Variants in NFIL3 observed in about 807,000 individuals in gnomAD.
NFIL3 encodes the protein nuclear factor, interleukin 3 regulated, also known as nuclear factor interleukin-3-regulated protein.
Under a neutral mutation model 10.0 loss-of-function variants are expected in NFIL3, and 5 were observed. That is an observed-to-expected ratio of 0.50 (90% CI 0.26 to 1.06). The LOEUF (loss-of-function observed/expected upper bound fraction) is 1.06. NFIL3 is among the 50% of genes least tolerant of loss of function. The probability of loss-of-function intolerance (pLI) is 0.13; values close to 1 mark genes in which losing one functional copy is unlikely to be tolerated. For missense variants in NFIL3, 436 were observed against 547.6 expected (o/e 0.80, Z 2.03); for synonymous variants, 202 against 206.5 (o/e 0.98, Z 0.19).
the NFIL3 span, among the ~76,000 whole-genome samples, chr9:91,444,433 T>A: frequency 6.6e-6 from 1 of 152,224 alleles, no homozygotes; most frequent in African/African-American, 2.4e-5. Flanking sequence ...TGGTAAATTT[T>A]CATTTTCTTG....
At chr9:91,460,411 A>G in the NFIL3 span, among the ~76,000 whole-genome samples, 2 of 151,304 alleles carry the variant, frequency 1.3e-5, no homozygotes, top group Non-Finnish European at 2.9e-5. Flanking sequence ...AGTAGCTGGG[A>G]CTATAGGTGT....
At chr9:91,439,365 T>G in the NFIL3 span, among the ~76,000 whole-genome samples, 3 of 151,976 alleles carry the variant, frequency 2.0e-5, no homozygotes, top group African/African-American at 7.3e-5. Context: ...TTTTGAATCC[T>G]GCAACTTTAC....
rs1209313730 is a variant in NFIL3, at chr9:91,409,717, C to T, written c.1018G>A (p.Ala340Thr). The change falls in exon 2 of 2, where the codon GCC (alanine) becomes ACC (threonine). Residue 340 changes from alanine to threonine, a missense_variant. Ala to Thr is a moderately conservative substitution (Grantham distance 58). Around this residue, in one of 3 missense-constraint regions of NFIL3, gnomAD observed 338 missense variants for 399.9 expected, o/e 0.85. Coordinates refer to ENST00000297689, the MANE Select transcript of NFIL3 (RefSeq NM_005384.3). Reference sequence around the variant, plus strand: ...GTGGCCTCAAATTCATTATCAAAGGCTTCTACTTTGATCTGCATGGCTTTG... The same window carrying T: ...GTGGCCTCAAATTCATTATCAAAGGTTTCTACTTTGATCTGCATGGCTTTG... ...KAKAMQIKVE[A>T]FDNEFEATQK... 3 of 1,614,038 alleles carry T rather than the reference C, an allele frequency of 1.9e-6. No homozygotes were observed. The highest frequency in any genetic ancestry group is 1.3e-5 in the African/African-American group (1 of 74,920).
At chr9:91,471,073 C>T in the NFIL3 span, among the ~76,000 whole-genome samples, 1 of 152,060 alleles carries the variant, frequency 6.6e-6, no homozygotes, top group Non-Finnish European at 1.5e-5. Context: ...CCTGGATATC[C>T]TTGTTAGCCT....
chr9:91,410,147 T>A lies in NFIL3; in HGVS notation c.588A>T (p.Val196=). ...GCACAGAGCTCTCCTGCGTGTGTTC[T>A]ACTGAGGACACTTCTGAAACATCGG... ...SLSDVSEVSS[V]EHTQESSVQG... The change falls in exon 2 of 2, where the codon GTA becomes GTT. Residue 196 remains valine, a synonymous_variant. Coordinates refer to ENST00000297689, the MANE Select transcript of NFIL3 (RefSeq NM_005384.3). The surrounding 1 kb of genome is among the most constrained non-coding windows in gnomAD (Gnocchi z 5.7). 1 of 1,614,222 alleles carries A rather than the reference T, an allele frequency of 6.2e-7. No individual in the cohort carries two copies. Among genetic ancestry groups the A allele is most frequent in the Non-Finnish European group, 8.5e-7 (1 of 1,180,034 alleles).
chr9:91,444,093 T>C, the NFIL3 span, among the ~76,000 whole-genome samples: 16 of 152,216 alleles, frequency 1.1e-4, no homozygotes, highest in African/African-American at 3.6e-4. Context: ...GTTACATAAG[T>C]CCAACAGGCT....
At chr9:91,453,855 T>C in the NFIL3 span, among the ~76,000 whole-genome samples, 2 of 152,238 alleles carry the variant, frequency 1.3e-5, no homozygotes, top group South Asian at 2.1e-4. Flanking sequence ...TTTCTGGTTT[T>C]GTGTGTCATG....
chr9:91,413,777 A>G (rs914464641), intron 1 of NFIL3, among the ~76,000 whole-genome samples: 2 of 152,110 alleles, frequency 1.3e-5, no homozygotes, highest in Non-Finnish European at 2.9e-5. Context: ...AATCTCCACT[A>G]TACTCTTGGC....
the NFIL3 span, among the ~76,000 whole-genome samples, chr9:91,450,075 C>A: frequency 6.6e-6 from 1 of 151,930 alleles, no homozygotes; most frequent in Non-Finnish European, 1.5e-5. Flanking sequence ...TGGCTTTAGT[C>A]ATTTGTATCT....
chr9:91,447,755 GC>G, the NFIL3 span, among the ~76,000 whole-genome samples: 2 of 152,074 alleles, frequency 1.3e-5, no homozygotes, highest in African/African-American at 4.8e-5. Context: ...TATATGACTT[GC>G]AAATATTCTT....
At chr9:91,450,437 AT>A in the NFIL3 span, among the ~76,000 whole-genome samples, 1 of 152,138 alleles carries the variant, frequency 6.6e-6, no homozygotes, top group Non-Finnish European at 1.5e-5. Context: ...ATCATCTAAT[AT>A]CTTTTGTGAT....
Position 91,410,131 on chromosome 9 carries a change from TC to T in NFIL3, c.603del (p.Ser202AlafsTer24). 1 of 1,614,108 alleles carries T rather than the reference TC, an allele frequency of 6.2e-7. No homozygotes were observed. The highest frequency in any genetic ancestry group is 8.5e-7 in the Non-Finnish European group (1 of 1,180,028). On this transcript the variant is annotated frameshift_variant, in exon 2 of 2. Transcript: ENST00000297689. LOFTEE classifies it low-confidence loss of function (END_TRUNC). The surrounding 1 kb of genome is among the most constrained non-coding windows in gnomAD (Gnocchi z 5.7). The stretch of plus-strand genomic sequence containing the variant: ...CTTCTGCAGCTTCCCTGCACAGAGC[TC>T]TCCTGCGTGTGTTCTACTGAGGACA... ...SEVSSVEHTQ[E>X]SSVQGSCRSP...
the NFIL3 span, among the ~76,000 whole-genome samples, chr9:91,470,155 T>C: frequency 6.6e-6 from 1 of 152,130 alleles, no homozygotes; most frequent in Admixed American, 6.5e-5. Flanking sequence ...TGAATCCTTC[T>C]GGTCCTGGAC....
At chr9:91,434,082 T>A in the NFIL3 span, among the ~76,000 whole-genome samples, 1 of 152,174 alleles carries the variant, frequency 6.6e-6, no homozygotes, top group African/African-American at 2.4e-5. Context: ...ATAATCTCTC[T>A]TAATCAAAAT....
the NFIL3 span, among the ~76,000 whole-genome samples, chr9:91,465,891 A>C: frequency 6.6e-6 from 1 of 152,040 alleles, no homozygotes; most frequent in African/African-American, 2.4e-5. Context: ...ACTTTTCTTT[A>C]GAGAGAGTCT....
chr9:91,412,130 A>G (rs1179808499), intron 1 of NFIL3, among the ~76,000 whole-genome samples: 2 of 148,716 alleles, frequency 1.3e-5, no homozygotes, highest in African/African-American at 5.0e-5. Flanking sequence ...AAAACCCCAC[A>G]CAAAACAAAA....
chr9:91,445,193 G>A, the NFIL3 span, among the ~76,000 whole-genome samples: 3 of 152,330 alleles, frequency 2.0e-5, no homozygotes, highest in Non-Finnish European at 4.4e-5. Flanking sequence ...GTTTGGCCCT[G>A]GGGAGCAAGG....
chr9:91,435,804 G>C, the NFIL3 span, among the ~76,000 whole-genome samples: 1 of 152,232 alleles, frequency 6.6e-6, no homozygotes, highest in South Asian at 2.1e-4. Context: ...ATCTATGCAT[G>C]CCAGGTACTA....
chr9:91,481,926 T>A, the NFIL3 span, among the ~76,000 whole-genome samples: 29 of 152,308 alleles, frequency 1.9e-4, no homozygotes, highest in Non-Finnish European at 3.5e-4. Context: ...ATTTGACTAT[T>A]TGCCAGAAAA....
Sources: allele counts gnomAD v4.1 joint callset (sites outside exome capture counted in the v4.1 genomes callset), GRCh38; gene constraint gnomAD v4.1.1; regional missense constraint gnomAD v4.1.1; non-coding constraint Gnocchi (gnomAD v3.1); transcripts MANE v1.5; gene names NCBI Gene and HGNC (gene_info 2026-07-23, HGNC 2026-07-21).